The following CSE1L variants were observed in gnomAD, a reference collection of about 807,000 sequenced individuals.
CSE1L encodes the protein chromosome segregation 1 like, also known as exportin-2.
A neutral mutation model predicts 120.4 loss-of-function variants in CSE1L; 24 were observed. The observed-to-expected ratio is 0.20, with a 90% CI of 0.14 to 0.28. The LOEUF (loss-of-function observed/expected upper bound fraction) is 0.28. Among genes scored for constraint, CSE1L ranks in the 10% least tolerant of loss-of-function variants. The pLI is 1.00. For missense variants in CSE1L, 830 were observed against 1,145.2 expected (o/e 0.72, Z 3.97); for synonymous variants, 402 against 398.3 (o/e 1.01, Z -0.11).
At chr20:49,071,559 C>T (rs1467583828) in intron 8 of CSE1L, among the ~76,000 whole-genome samples, 5 of 152,144 alleles carry the variant, frequency 3.3e-5, no homozygotes, top group African/African-American at 9.7e-5. Context: ...TCATGACTTA[C>T]TGCAGCTTCG....
intron 1 of CSE1L, among the ~76,000 whole-genome samples, chr20:49,051,952 T>C (rs1267655870): frequency 6.6e-6 from 1 of 152,224 alleles, no homozygotes; most frequent in Non-Finnish European, 1.5e-5. Flanking sequence ...CGCCTCGGCC[T>C]TCCAAAGCGC....
rs1274883730 is a variant in CSE1L at position 49,047,553 on chromosome 20, TTTTCTCTTTTC to T, written c.-12+1134_-12+1144del. Among the ~76,000 whole-genome samples the T allele has an allele frequency of 7.7e-4, 105 of 136,806 alleles. 1 individual carries two copies. The highest frequency in any genetic ancestry group is 2.7e-3 in the African/African-American group (96 of 36,128). The allele number at this position is 136,806 out of a possible 152,430, so 89.8% of individuals were successfully genotyped here. A position where few individuals can be genotyped will look rare whatever the true frequency, so the allele number is the denominator to read the frequency against. ...TTCTTTTGTTTTCTTTTTCTTTTTC[TTTTCTCTTTTC>T]TTTTTTTTTTTTTTTTTTTTTTTTT... On this transcript the variant is annotated intron_variant, in intron 1 of 24. Transcript: ENST00000262982.
intron 24 of CSE1L, chr20:49,096,145 A>G (rs760529835): frequency 2.9e-6 from 2 of 698,670 alleles, no homozygotes; most frequent in Non-Finnish European, 2.6e-6. Flanking sequence ...CACACCTAAT[A>G]ATAGTAATTC....
intron 16 of CSE1L, 73 bp from the exon 17 acceptor site, chr20:49,087,936 T>C: frequency 2.0e-6 from 2 of 997,284 alleles, no homozygotes; most frequent in South Asian, 1.5e-5. Flanking sequence ...GTGCGCTTTT[T>C]TCCCCCCAGT....
chr20:49,078,168 AATT>A (rs2091983579), intron 13 of CSE1L, among the ~76,000 whole-genome samples: 1 of 152,184 alleles, frequency 6.6e-6, no homozygotes, highest in Non-Finnish European at 1.5e-5. Context: ...TAGCTTCAAG[AATT>A]ATTAACATTT....
intron 2 of CSE1L, among the ~76,000 whole-genome samples, chr20:49,061,253 A>C (rs2091850487): frequency 6.8e-6 from 1 of 147,876 alleles, no homozygotes; most frequent in Admixed American, 6.8e-5. Flanking sequence ...GCTCACTGCA[A>C]GCTCCGCCTC....
chr20:49,066,393 G>A lies in CSE1L; in HGVS notation c.359G>A (p.Arg120Lys), dbSNP rs1246075223. Residue 120 changes from arginine to lysine, a missense_variant, in exon 5 of 25, where the codon AGA (arginine) becomes AAA (lysine). Around this residue, in one of 4 missense-constraint regions of CSE1L, gnomAD observed 543 missense variants for 640.2 expected, o/e 0.85. Transcript: ENST00000262982. ...AGTGATGCAATTAGCATTATTGGCA[G>A]AGAAGATTTTCCACAGAAATGGCCT... ...QLSDAISIIGREDFPQKWPDL... is the reference protein window; with the variant it reads ...QLSDAISIIGKEDFPQKWPDL... 1 of 1,614,104 alleles carries A rather than the reference G, an allele frequency of 6.2e-7. No individual in the cohort carries two copies. Among genetic ancestry groups the A allele is most frequent in the East Asian group, 2.2e-5 (1 of 44,898 alleles).
intron 10 of CSE1L, among the ~76,000 whole-genome samples, chr20:49,073,971 T>C (rs1366663291): frequency 6.6e-6 from 1 of 151,986 alleles, no homozygotes; most frequent in Non-Finnish European, 1.5e-5. Flanking sequence ...TCCCAACACT[T>C]TGGGAGGCTG....
At position 49,066,301 on chromosome 20, in the gene CSE1L, C is replaced by G. The variant is rs113366638; in HGVS notation, c.330+8C>G. 7.4e-6 allele frequency: 12 copies of G among 1,613,966 alleles called. No individual in the cohort carries two copies. Among genetic ancestry groups the G allele is most frequent in the African/African-American group, 5.3e-5 (4 of 74,900 alleles). ...GAGCAAATTCAGAAGCAGGTAATGT[C>G]GCTCCACTTTTTAGATGGGCTCCTC... On this transcript the variant is annotated splice_region_variant and intron_variant, in intron 4 of 24. Coordinates refer to ENST00000262982, the MANE Select transcript of CSE1L (RefSeq NM_001316.4).
rs1411453648 is a variant in CSE1L, at chr20:49,072,393, T to G, written c.876T>G (p.Arg292=). ...AAGAATTCCAGCGATACCTGCCTCG[T>G]TTTGTTACAGCCATCTGGAATTTAC... ...YDEEFQRYLP[R]FVTAIWNLLV... is the part of the protein sequence containing the mutation. Residue 292 remains arginine, a synonymous_variant, in exon 9 of 25, where the codon CGT becomes CGG. Coordinates refer to ENST00000262982, the MANE Select transcript of CSE1L (RefSeq NM_001316.4). 6.2e-7 allele frequency: 1 copy of G among 1,614,100 alleles called. No homozygotes were observed. The highest frequency in any genetic ancestry group is 8.5e-7 in the Non-Finnish European group (1 of 1,180,036).
At chr20:49,064,329 G>A (rs2091874650) in intron 3 of CSE1L, among the ~76,000 whole-genome samples, 1 of 152,224 alleles carries the variant, frequency 6.6e-6, no homozygotes, top group African/African-American at 2.4e-5. Context: ...ACATCTTAGA[G>A]TCTTACTTTT....
rs746788725 is a variant in CSE1L, at chr20:49,084,107, G to A, written c.1564G>A (p.Ala522Thr). ...TGAAAGTATTGTTGTTCATACTTAC[G>A]CAGCTCATGCTCTTGAACGGCTCTT... ...QAESIVVHTY[A>T]AHALERLFTM... Residue 522 changes from alanine (A) to threonine (T), a missense_variant, in exon 15 of 25, where the codon GCA (alanine) becomes ACA (threonine). Physicochemically the swap from Ala to Thr is moderately conservative, Grantham distance 58. Around this residue, in one of 4 missense-constraint regions of CSE1L, gnomAD observed 543 missense variants for 640.2 expected, o/e 0.85. Coordinates refer to ENST00000262982, the MANE Select transcript of CSE1L (RefSeq NM_001316.4). 4.4e-5 allele frequency: 71 copies of A among 1,613,762 alleles called. No individual in the cohort carries two copies. The highest frequency in any genetic ancestry group is 5.7e-5 in the Non-Finnish European group (67 of 1,179,906).
chr20:49,067,928 CTTTTTTTTTTT>C (rs10567768), intron 6 of CSE1L, among the ~76,000 whole-genome samples: 21 of 78,496 alleles, frequency 2.7e-4, no homozygotes, highest in Middle Eastern at 9.3e-3. Flanking sequence ...TTCCCTCTCT[CTTTTTTTTTTT>C]TTTTTTTTTT....
Position 49,096,594 on chromosome 20 carries a change from A to G in CSE1L, c.*156A>G. 1 of 641,246 alleles carries G rather than the reference A, an allele frequency of 1.6e-6. No homozygotes were observed. 39.7% of individuals were successfully genotyped at this position (641,246 alleles called of 1,614,324 possible). ...AAATGTTGCTTTAACCTGAACCTTG[A>G]GCAAATTAGTTGGTTTGTGTGATCA... On this transcript the variant is annotated 3_prime_UTR_variant, in exon 25 of 25. Coordinates refer to ENST00000262982, the MANE Select transcript of CSE1L (RefSeq NM_001316.4).
intron 14 of CSE1L, among the ~76,000 whole-genome samples, chr20:49,080,437 G>A (rs914405047): frequency 3.3e-5 from 5 of 151,920 alleles, no homozygotes; most frequent in Non-Finnish European, 7.4e-5. Context: ...GAAGGAGAAC[G>A]TTACATTGTC....
intron 12 of CSE1L, among the ~76,000 whole-genome samples, chr20:49,076,468 G>A (rs1268770452): frequency 6.7e-6 from 1 of 148,950 alleles, no homozygotes; most frequent in Non-Finnish European, 1.5e-5. Flanking sequence ...TTACAAGCAT[G>A]AGCCACCATG....
In CSE1L at chr20:49,070,849, T is replaced by C. The variant is rs182194174; in HGVS notation, c.768+552T>C. ...TACTCAGAAGGCTTAGTTGTGAGGA[T>C]CCCTTGACCTTGAGCCCAGGAGGGC... is the stretch of plus-strand genomic sequence containing the variant. On this transcript the variant is annotated intron_variant, in intron 8 of 24. Transcript: ENST00000262982. 2.0e-3 allele frequency among the ~76,000 whole-genome samples: 304 copies of C among 152,256 alleles called. 1 individual carries two copies. Among genetic ancestry groups the C allele is most frequent in the African/African-American group, 7.0e-3 (289 of 41,538 alleles).
intron 24 of CSE1L, 100 bp from the exon 25 acceptor site, chr20:49,096,249 T>G: frequency 1.1e-6 from 1 of 924,472 alleles, no homozygotes; most frequent in Non-Finnish European, 1.8e-6. Flanking sequence ...CTTGACTGGC[T>G]GCTCTTCCCA....
intron 2 of CSE1L, among the ~76,000 whole-genome samples, chr20:49,060,882 T>C (rs1418865897): frequency 6.6e-6 from 1 of 152,198 alleles, no homozygotes; most frequent in Non-Finnish European, 1.5e-5. Flanking sequence ...ATTAAAATGC[T>C]CTTGACCTGT....
Sources: allele counts gnomAD v4.1 joint callset (sites outside exome capture counted in the v4.1 genomes callset), GRCh38; gene constraint gnomAD v4.1.1; regional missense constraint gnomAD v4.1.1; transcripts MANE v1.5; gene names NCBI Gene and HGNC (gene_info 2026-07-23, HGNC 2026-07-21).